RIMS2: variants seen among roughly 807,000 people sequenced by gnomAD.
RIMS2 encodes regulating synaptic membrane exocytosis protein 2.
RIMS2 carries 59 observed loss-of-function variants against 174.4 expected under a neutral mutation model. The observed-to-expected ratio is 0.34, with a 90% confidence interval of 0.27 to 0.42. RIMS2 has a LOEUF of 0.42. Among genes scored for constraint, RIMS2 ranks in the 10% least tolerant of loss-of-function variants. RIMS2 has a pLI of 1.00. For synonymous variants in RIMS2, 606 were observed against 572.5 expected (o/e 1.06, Z -0.84); for missense variants, 1,620 against 1,666.3 (o/e 0.97, Z 0.48).
At chr8:103,817,359 A>G (rs2098724318) in intron 3 of RIMS2, among the ~76,000 whole-genome samples, 1 of 152,230 alleles carries the variant, frequency 6.6e-6, no homozygotes, top group African/African-American at 2.4e-5. Flanking sequence ...GTGCACATGT[A>G]TGCACATATG....
At chr8:103,529,040 C>A (rs1315309993) in intron 1 of RIMS2, among the ~76,000 whole-genome samples, 1 of 152,116 alleles carries the variant, frequency 6.6e-6, no homozygotes, top group African/African-American at 2.4e-5. Context: ...AATGTTCTTC[C>A]ATTTGTTTGT....
chr8:103,949,396 T>C (rs1312665202), intron 14 of RIMS2, among the ~76,000 whole-genome samples: 1 of 152,148 alleles, frequency 6.6e-6, no homozygotes, highest in Non-Finnish European at 1.5e-5. Context: ...ACCTTAGTCC[T>C]GCCCAAACAA....
chr8:103,638,361 A>G (rs992033035), intron 1 of RIMS2, among the ~76,000 whole-genome samples: 1 of 152,098 alleles, frequency 6.6e-6, no homozygotes, highest in Non-Finnish European at 1.5e-5. Context: ...CTTACCTGCA[A>G]CAGTTACTAC....
intron 8 of RIMS2, among the ~76,000 whole-genome samples, chr8:103,917,981 TAAATA>T (rs921677733): frequency 2.6e-5 from 4 of 152,092 alleles, no homozygotes; most frequent in Non-Finnish European, 4.4e-5. Context: ...AAAATAAAAA[TAAATA>T]AAATAAAATG....
chr8:103,775,394 T>A (rs2098302551), intron 3 of RIMS2, among the ~76,000 whole-genome samples: 1 of 152,106 alleles, frequency 6.6e-6, no homozygotes. Context: ...ATGTTTTTCT[T>A]AGGAGAAAAA....
At chr8:103,608,739 G>A (rs1255367022) in intron 1 of RIMS2, among the ~76,000 whole-genome samples, 26 of 148,368 alleles carry the variant, frequency 1.8e-4, no homozygotes, top group Admixed American at 3.3e-4. Context: ...ATTCGGGTGG[G>A]AGTGACCCGA....
chr8:103,593,136 C>T (rs980391828), intron 1 of RIMS2, among the ~76,000 whole-genome samples: 1 of 151,556 alleles, frequency 6.6e-6, no homozygotes, highest in African/African-American at 2.4e-5. Flanking sequence ...CCAATGATAA[C>T]ATTTGAGCTT....
At chr8:103,729,971 C>CT (rs1158349368) in intron 2 of RIMS2, among the ~76,000 whole-genome samples, 3 of 152,148 alleles carry the variant, frequency 2.0e-5, no homozygotes, top group Non-Finnish European at 4.4e-5. Context: ...AGCATATGGT[C>CT]TATGCTTGAG....
chr8:103,853,659 T>C (rs992795112), intron 3 of RIMS2, among the ~76,000 whole-genome samples: 1 of 152,160 alleles, frequency 6.6e-6, no homozygotes, highest in African/African-American at 2.4e-5. Context: ...CCATTGATTG[T>C]TTTTGTCAGC....
intron 1 of RIMS2, among the ~76,000 whole-genome samples, chr8:103,580,472 A>T (rs1363637292): frequency 6.6e-6 from 1 of 151,580 alleles, no homozygotes; most frequent in African/African-American, 2.4e-5. Flanking sequence ...TGTGTGTGTA[A>T]AATGATAAAG....
chr8:103,687,572 ATTG>A (rs991974325), intron 1 of RIMS2, among the ~76,000 whole-genome samples: 1 of 152,050 alleles, frequency 6.6e-6, no homozygotes, highest in Non-Finnish European at 1.5e-5. Context: ...AATACAATAT[ATTG>A]TTATTAACTA....
chr8:103,600,551 G>A (rs749318716), intron 1 of RIMS2, among the ~76,000 whole-genome samples: 22 of 152,078 alleles, frequency 1.4e-4, no homozygotes, highest in Non-Finnish European at 2.5e-4. Context: ...GATTACAGGC[G>A]TGAGCCACCA....
downstream of RIMS2, chr8:104,255,848 G>T (rs569816549): frequency 6.6e-6 from 1 of 152,288 alleles, no homozygotes; most frequent in African/African-American, 2.4e-5. Context: ...TTGCAAGAGA[G>T]AATTTTTTTA....
At position 104,087,421 on chromosome 8, in the gene RIMS2, T is replaced by A. The variant is rs532890820; in HGVS notation, c.3334+72806T>A. ...TGGATGGACAAGGGAGAAGTACACA[T>A]AATACCACATGATAAAACTGTAATA... On this transcript the variant is annotated intron_variant, in intron 19 of 23. Transcript: ENST00000504942. Among the ~76,000 whole-genome samples the A allele has an allele frequency of 5.1e-4, 77 of 152,174 alleles. 1 individual carries two copies. In the South Asian group the frequency reaches 0.016, roughly 31 times the overall value.
intron 1 of RIMS2, among the ~76,000 whole-genome samples, chr8:103,647,909 T>G (rs2096373651): frequency 1.3e-5 from 2 of 151,514 alleles, no homozygotes; most frequent in South Asian, 4.1e-4. Context: ...TTTTTTTTTT[T>G]TAATTTTTGT....
At chr8:103,630,590 A>G (rs2095890962) in intron 1 of RIMS2, among the ~76,000 whole-genome samples, 2 of 151,060 alleles carry the variant, frequency 1.3e-5, no homozygotes, top group Admixed American at 6.6e-5. Context: ...CAAAAAAAAA[A>G]AAAAAAAAAA....
At chr8:103,844,020 A>G (rs1007862001) in intron 3 of RIMS2, among the ~76,000 whole-genome samples, 1 of 152,088 alleles carries the variant, frequency 6.6e-6, no homozygotes, top group Non-Finnish European at 1.5e-5. Context: ...GGTGATTTTA[A>G]AAAGGGGAGT....
At position 103,953,358 on chromosome 8, in the gene RIMS2, C is replaced by T. The variant is rs566204782; in HGVS notation, c.2702-7707C>T. The stretch of plus-strand genomic sequence containing the variant: ...GTTAAGGGCAGCCAGAGAGAAAGGG[C>T]GAGTTACCCACAAAGGGAAGCCCAT... On this transcript the variant is annotated intron_variant, in intron 14 of 23. Transcript: ENST00000504942. Among the ~76,000 whole-genome samples, 12 of 152,230 alleles carry T rather than the reference C, an allele frequency of 7.9e-5. No individual in the cohort carries two copies. In the East Asian group the frequency reaches 9.7e-4, roughly 12 times the overall value.
At chr8:104,205,231 A>G (rs1448877132) in intron 19 of RIMS2, among the ~76,000 whole-genome samples, 1 of 151,852 alleles carries the variant, frequency 6.6e-6, no homozygotes, top group East Asian at 1.9e-4. Context: ...AGAAAAGTAA[A>G]CCCTCTTCTA....
Sources: allele counts gnomAD v4.1 joint callset (sites outside exome capture counted in the v4.1 genomes callset), GRCh38; gene constraint gnomAD v4.1.1; transcripts MANE v1.5; gene names NCBI Gene and HGNC (gene_info 2026-07-23, HGNC 2026-07-21).